The following NXPH1 variants were observed in gnomAD, a reference collection of about 807,000 sequenced individuals.
NXPH1 encodes the protein neurexophilin 1, also known as neurexophilin-1.
A neutral mutation model predicts 23.7 loss-of-function variants in NXPH1; 5 were observed. The observed-to-expected ratio is 0.21, with a 90% CI of 0.11 to 0.44. NXPH1 has a LOEUF of 0.44. Among genes scored for constraint, NXPH1 ranks in the 20% least tolerant of loss-of-function variants. The pLI is 0.99. For synonymous variants in NXPH1, 144 were observed against 122.2 expected (o/e 1.18, Z -1.18); for missense variants, 324 against 321.6 (o/e 1.01, Z -0.06).
At chr7:8,439,239 A>G (rs767252975) in intron 2 of NXPH1, among the ~76,000 whole-genome samples, 2 of 152,226 alleles carry the variant, frequency 1.3e-5, no homozygotes, top group African/African-American at 4.8e-5. Flanking sequence ...ATTGAAGCAT[A>G]TATTGAATCA....
chr7:8,676,434 G>A (rs1379672691), intron 2 of NXPH1, among the ~76,000 whole-genome samples: 2 of 151,820 alleles, frequency 1.3e-5, no homozygotes, highest in African/African-American at 4.8e-5. Context: ...CTATGCAATC[G>A]TGATTTTTAT....
chr7:8,621,717 C>G (rs75439426), intron 2 of NXPH1, among the ~76,000 whole-genome samples: 3,513 of 152,176 alleles, frequency 0.023, 214 homozygotes, highest in East Asian at 0.17. Context: ...AACTCCTGAC[C>G]TCAGGTGATC....
At chr7:8,484,630 T>A (rs1227609077) in intron 2 of NXPH1, among the ~76,000 whole-genome samples, 2 of 152,176 alleles carry the variant, frequency 1.3e-5, no homozygotes, top group Non-Finnish European at 2.9e-5. Flanking sequence ...CTGAACTTGT[T>A]TGAGTAAATG....
chr7:8,728,204 G>T (rs1349855858), intron 2 of NXPH1, among the ~76,000 whole-genome samples: 1 of 152,162 alleles, frequency 6.6e-6, no homozygotes, highest in Non-Finnish European at 1.5e-5. Context: ...CTGAGACTTT[G>T]CTGAAGTTGC....
At position 8,517,785 on chromosome 7, in the gene NXPH1, C is replaced by G. The variant is rs527558897; in HGVS notation, c.54+82018C>G. Among the ~76,000 whole-genome samples the G allele has an allele frequency of 1.0e-3, 152 of 152,248 alleles. 6 individuals carry two copies. The South Asian group carries it at 0.03, about 30-fold the overall frequency. ...CTTGGGACATTTACAGAGGCAGTTC[C>G]TGGCAATTCTTTGAGATAATGTAAC... On this transcript the variant is annotated intron_variant, in intron 2 of 2. Transcript: ENST00000405863.
At chr7:8,587,855 T>C (rs1008524844) in intron 2 of NXPH1, among the ~76,000 whole-genome samples, 1 of 152,170 alleles carries the variant, frequency 6.6e-6, no homozygotes, top group Non-Finnish European at 1.5e-5. Flanking sequence ...ATGGTGTATA[T>C]GTGTCACATT....
chr7:8,556,542 G>A (rs907808643), intron 2 of NXPH1, among the ~76,000 whole-genome samples: 3 of 151,696 alleles, frequency 2.0e-5, no homozygotes, highest in Admixed American at 6.6e-5. Flanking sequence ...TTCCGAGAAT[G>A]CTCCAGCAGG....
chr7:8,612,543 A>G (rs544646736), intron 2 of NXPH1, among the ~76,000 whole-genome samples: 1 of 152,196 alleles, frequency 6.6e-6, no homozygotes, highest in African/African-American at 2.4e-5. Flanking sequence ...ATTAATAAGC[A>G]TTCATATGTG....
At chr7:8,641,605 G>A (rs1562439821) in intron 2 of NXPH1, among the ~76,000 whole-genome samples, 1 of 151,730 alleles carries the variant, frequency 6.6e-6, no homozygotes, top group African/African-American at 2.4e-5. Context: ...ATGCTTTGTT[G>A]GTTTCCTTTT....
intron 2 of NXPH1, among the ~76,000 whole-genome samples, chr7:8,712,129 G>C (rs1779807490): frequency 1.3e-5 from 2 of 152,218 alleles, no homozygotes; most frequent in African/African-American, 4.8e-5. Context: ...CACTGGTATA[G>C]ACTCTTAGGA....
intron 2 of NXPH1, among the ~76,000 whole-genome samples, chr7:8,595,403 C>T (rs1229193254): frequency 6.6e-6 from 1 of 151,668 alleles, no homozygotes; most frequent in Non-Finnish European, 1.5e-5. Flanking sequence ...AACTTAAAGC[C>T]ATGTTTACCG....
chr7:8,645,583 C>G (rs1280288623), intron 2 of NXPH1, among the ~76,000 whole-genome samples: 1 of 148,976 alleles, frequency 6.7e-6, no homozygotes, highest in Non-Finnish European at 1.5e-5. Flanking sequence ...TAATGAACAT[C>G]ACATATATTA....
chr7:8,653,268 T>C (rs1820519560), intron 2 of NXPH1, among the ~76,000 whole-genome samples: 1 of 152,220 alleles, frequency 6.6e-6, no homozygotes. Flanking sequence ...CAGTTTAGTA[T>C]ATATGAGTTA....
chr7:8,571,069 AT>A (rs1396771185), intron 2 of NXPH1, among the ~76,000 whole-genome samples: 8 of 131,842 alleles, frequency 6.1e-5, no homozygotes, highest in African/African-American at 2.6e-4. Context: ...ATCTAATCTA[AT>A]CTAATCTAAC....
chr7:8,716,675 C>T (rs1223632499), intron 2 of NXPH1, among the ~76,000 whole-genome samples: 1 of 152,010 alleles, frequency 6.6e-6, no homozygotes, highest in Non-Finnish European at 1.5e-5. Flanking sequence ...AAGGGTATTA[C>T]TGGGATATGT....
chr7:8,492,746 C>G (rs1358298814), intron 2 of NXPH1, among the ~76,000 whole-genome samples: 1 of 151,950 alleles, frequency 6.6e-6, no homozygotes, highest in Non-Finnish European at 1.5e-5. Flanking sequence ...GACAGTGGGT[C>G]CCATTGGTGG....
chr7:8,504,428 C>G (rs1046919716), intron 2 of NXPH1, among the ~76,000 whole-genome samples: 2 of 151,868 alleles, frequency 1.3e-5, no homozygotes, highest in African/African-American at 4.8e-5. Context: ...GTTCATAAGA[C>G]TCAATTAGAT....
chr7:8,715,603 A>C (rs768452070), intron 2 of NXPH1, among the ~76,000 whole-genome samples: 2 of 152,206 alleles, frequency 1.3e-5, no homozygotes, highest in Non-Finnish European at 2.9e-5. Context: ...CAAAAATGCC[A>C]AAGTTATTGT....
chr7:8,483,215 A>C lies in NXPH1; in HGVS notation c.54+47448A>C, dbSNP rs747835362. ...AATCAGATTTTTGTTTCTGTGCTACAAGTAATTGCTTATAATATCTTGGTT... is the reference window on the plus strand; with the variant it reads ...AATCAGATTTTTGTTTCTGTGCTACCAGTAATTGCTTATAATATCTTGGTT... On this transcript the variant is annotated intron_variant, in intron 2 of 2. Coordinates refer to ENST00000405863, the MANE Select transcript of NXPH1 (RefSeq NM_152745.3). Among the ~76,000 whole-genome samples, 21 of 152,326 alleles carry C rather than the reference A, an allele frequency of 1.4e-4. No individual in the cohort carries two copies. The South Asian group carries it at 1.5e-3, about 11-fold the overall frequency.
Sources: gnomAD v4.1 joint callset for allele counts (sites outside exome capture counted in the v4.1 genomes callset) on GRCh38, gnomAD v4.1.1 for gene constraint, MANE v1.5 for transcripts, NCBI Gene and HGNC (gene_info 2026-07-23, HGNC 2026-07-21) for gene names.